PIP5K1B: variants seen among roughly 807,000 people sequenced by gnomAD.
PIP5K1B encodes the protein phosphatidylinositol-4-phosphate 5-kinase type 1 beta, also known as phosphatidylinositol 4-phosphate 5-kinase type-1 beta.
Under a neutral mutation model 67.0 loss-of-function variants are expected in PIP5K1B, and 42 were observed. That is an observed-to-expected ratio of 0.63 (90% CI 0.49 to 0.81). The LOEUF is 0.81. PIP5K1B is among the 30% of genes least tolerant of loss of function. The pLI, the probability that PIP5K1B is intolerant of heterozygous loss-of-function variation, is 0.00. For synonymous variants in PIP5K1B, 214 were observed against 231.4 expected (o/e 0.92, Z 0.68); for missense variants, 459 against 646.3 (o/e 0.71, Z 3.14).
chr9:68,736,953 T>C (rs1828769660), intron 1 of PIP5K1B, among the ~76,000 whole-genome samples: 5 of 152,242 alleles, frequency 3.3e-5, no homozygotes, highest in Admixed American at 3.3e-4. Flanking sequence ...ATTCCCATTG[T>C]TGAATACTTA....
In PIP5K1B at chr9:68,740,004, C is replaced by A. The variant is rs564415286; in HGVS notation, c.-242-2497C>A. On this transcript the variant is annotated intron_variant, in intron 1 of 15. Coordinates refer to ENST00000265382, the MANE Select transcript of PIP5K1B (RefSeq NM_003558.4). ...GTCTCTGCTTATCTGAAAAACAGTT[C>A]TTTGACCTCACTACCTGTGGCCATT... The A allele has an allele frequency of 7.2e-5, 11 of 152,422 alleles. No homozygotes were observed. In the East Asian group the frequency reaches 7.7e-4, roughly 11 times the overall value. The allele number at this position is 152,422 out of a possible 1,614,324, so 9.4% of individuals were successfully genotyped here.
At chr9:68,754,168 A>G (rs1034296055) in intron 2 of PIP5K1B, among the ~76,000 whole-genome samples, 1 of 69,630 alleles carries the variant, frequency 1.4e-5, no homozygotes, top group Non-Finnish European at 2.8e-5. Flanking sequence ...TTTATGTTCC[A>G]TGATTTCTTT....
chr9:68,896,875 C>G (rs1031510470), intron 8 of PIP5K1B, among the ~76,000 whole-genome samples: 1 of 152,182 alleles, frequency 6.6e-6, no homozygotes, highest in Non-Finnish European at 1.5e-5. Context: ...CTCCTCCCCC[C>G]AAAAAATGCC....
Position 68,847,990 on chromosome 9 carries a change from G to A in PIP5K1B, c.70-15847G>A, listed in dbSNP as rs1332150671. The stretch of plus-strand genomic sequence containing the variant: ...TGGGGTTATGACATCAGGTATGACA[G>A]TTATGAGCATGGACTCAGGGTTAAC... On this transcript the variant is annotated intron_variant, in intron 4 of 15. Coordinates refer to ENST00000265382, the MANE Select transcript of PIP5K1B (RefSeq NM_003558.4). Among the ~76,000 whole-genome samples, 6 of 152,344 alleles carry A rather than the reference G, an allele frequency of 3.9e-5. 1 individual carries two copies. In the South Asian group the frequency reaches 1.0e-3, roughly 26 times the overall value.
At chr9:68,933,667 A>G (rs1827117065) in intron 12 of PIP5K1B, among the ~76,000 whole-genome samples, 1 of 152,188 alleles carries the variant, frequency 6.6e-6, no homozygotes, top group African/African-American at 2.4e-5. Flanking sequence ...TCTTCCTCAT[A>G]CATGTGGATG....
chr9:68,938,205 G>C (rs771011118), intron 13 of PIP5K1B, among the ~76,000 whole-genome samples: 8 of 152,160 alleles, frequency 5.3e-5, no homozygotes, highest in Non-Finnish European at 1.2e-4. Context: ...GGGTGCTAAA[G>C]TCTCCTGCTA....
At chr9:68,982,791 T>G (rs1829941355) in intron 14 of PIP5K1B, among the ~76,000 whole-genome samples, 2 of 152,084 alleles carry the variant, frequency 1.3e-5, no homozygotes, top group Admixed American at 1.3e-4. Context: ...CCTTTACTGC[T>G]TGGGGCATCT....
chr9:68,790,957 C>T (rs554459633), intron 2 of PIP5K1B, among the ~76,000 whole-genome samples: 4 of 152,304 alleles, frequency 2.6e-5, no homozygotes, highest in African/African-American at 9.6e-5. Context: ...AAAAAATACT[C>T]ATTTACAAAT....
At chr9:68,775,469 T>A (rs1197038876) in intron 2 of PIP5K1B, among the ~76,000 whole-genome samples, 1 of 152,222 alleles carries the variant, frequency 6.6e-6, no homozygotes, top group East Asian at 1.9e-4. Flanking sequence ...TAAGCACTGC[T>A]ACAGCAGTCA....
At chr9:68,938,482 T>C (rs2132626045) in intron 13 of PIP5K1B, among the ~76,000 whole-genome samples, 1 of 152,326 alleles carries the variant, frequency 6.6e-6, no homozygotes, top group Admixed American at 6.5e-5. Context: ...ATTTTGAGCC[T>C]ATGTGAGTCT....
chr9:68,735,316 C>CTTTTTTTATTTTTTTTTTTTTTTTTT (rs1828674517), intron 1 of PIP5K1B, among the ~76,000 whole-genome samples: 1 of 29,768 alleles, frequency 3.4e-5, no homozygotes, highest in African/African-American at 1.3e-4. Flanking sequence ...CCCCTAGTGT[C>CTTTTTTTATTTTTTTTTTTTTTTTTT]TTTTTTTTTT....
intron 14 of PIP5K1B, among the ~76,000 whole-genome samples, chr9:68,957,641 A>G (rs984287255): frequency 6.6e-6 from 1 of 152,130 alleles, no homozygotes; most frequent in African/African-American, 2.4e-5. Context: ...TCTAATGGTA[A>G]AAGACTGGTG....
chr9:68,913,418 C>T (rs1825945161), intron 8 of PIP5K1B, among the ~76,000 whole-genome samples: 1 of 152,156 alleles, frequency 6.6e-6, no homozygotes, highest in Non-Finnish European at 1.5e-5. Flanking sequence ...ACTCTTAAAG[C>T]TCACACATGT....
chr9:68,742,152 C>G (rs1001983238), intron 1 of PIP5K1B: 1 of 152,122 alleles, frequency 6.6e-6, no homozygotes, highest in Admixed American at 6.6e-5. Context: ...ATTAAGAAGT[C>G]CTACATTTAG....
chr9:68,742,889 A>C (rs536569863), intron 2 of PIP5K1B, among the ~76,000 whole-genome samples: 1 of 152,372 alleles, frequency 6.6e-6, no homozygotes, highest in South Asian at 2.1e-4. Flanking sequence ...AAACACACTC[A>C]AAATGGTCTG....
At position 68,711,453 on chromosome 9, in the gene PIP5K1B, G is replaced by A. The variant is rs114917029; in HGVS notation, c.-243+5691G>A. The stretch of plus-strand genomic sequence containing the variant: ...GACAATGGAAAAGGTTAAGCATCAT[G>A]TTTTATTTATATTTGTATTCTTGGA... On this transcript the variant is annotated intron_variant, in intron 1 of 15. Transcript: ENST00000265382. 7.0e-3 allele frequency among the ~76,000 whole-genome samples: 1,062 copies of A among 152,326 alleles called. 12 individuals carry two copies. The highest frequency in any genetic ancestry group is 0.025 in the African/African-American group (1,025 of 41,576).
At chr9:68,974,924 C>T (rs545911265) in intron 14 of PIP5K1B, among the ~76,000 whole-genome samples, 3 of 152,334 alleles carry the variant, frequency 2.0e-5, no homozygotes, top group African/African-American at 7.2e-5. Context: ...GTGTTTTTAG[C>T]ACATTGACAT....
chr9:68,759,139 A>G (rs1830073584), intron 2 of PIP5K1B, among the ~76,000 whole-genome samples: 1 of 152,168 alleles, frequency 6.6e-6, no homozygotes, highest in South Asian at 2.1e-4. Flanking sequence ...AATTTAGAAC[A>G]TCTGGAATGA....
intron 2 of PIP5K1B, chr9:68,783,513 A>G (rs1044545249): frequency 1.2e-5 from 2 of 167,018 alleles, no homozygotes; most frequent in Non-Finnish European, 2.9e-5. Context: ...CCCTTTCCAC[A>G]GATAACTTCT....
Sources: allele counts gnomAD v4.1 joint callset (sites outside exome capture counted in the v4.1 genomes callset), GRCh38; gene constraint gnomAD v4.1.1; transcripts MANE v1.5; gene names NCBI Gene and HGNC (gene_info 2026-07-23, HGNC 2026-07-21).